Variants in SLC25A21 observed in about 807,000 individuals in gnomAD.
SLC25A21 encodes mitochondrial 2-oxodicarboxylate carrier.
A neutral mutation model predicts 43.8 loss-of-function variants in SLC25A21; 47 were observed. The ratio of observed to expected loss-of-function variants is 1.07; its 90% CI spans 0.85 to 1.37. The LOEUF is 1.37. Among genes scored for constraint, SLC25A21 ranks in the 40% most tolerant of loss-of-function variants. The pLI is 0.00. For synonymous variants in SLC25A21, 131 were observed against 121.3 expected (o/e 1.08, Z -0.52); for missense variants, 352 against 350.2 (o/e 1.00, Z -0.04).
At chr14:36,994,330 GA>G (rs1960326766) in intron 1 of SLC25A21, among the ~76,000 whole-genome samples, 1 of 152,128 alleles carries the variant, frequency 6.6e-6, no homozygotes, top group African/African-American at 2.4e-5. Flanking sequence ...AAAAGGTATA[GA>G]AAAAGGGAGG....
intron 1 of SLC25A21, among the ~76,000 whole-genome samples, chr14:37,098,766 C>T (rs61989530): frequency 0.015 from 1,571 of 102,418 alleles, 22 homozygotes; most frequent in East Asian, 0.034. Flanking sequence ...GACAGACAGA[C>T]AGACAGACAG....
rs74044960 is a variant in SLC25A21 at position 36,740,939 on chromosome 14, G to A, written c.204-6366C>T. 3.7e-3 allele frequency among the ~76,000 whole-genome samples: 558 copies of A among 152,266 alleles called. 3 individuals carry two copies. The highest frequency in any genetic ancestry group is 0.013 in the African/African-American group (527 of 41,534). Reference sequence around the variant, plus strand: ...ATTGTGTACCTGATATCTTTAGTCAGTTTGAACGACTAAAAAAAGTTCCTT... The same window carrying A: ...ATTGTGTACCTGATATCTTTAGTCAATTTGAACGACTAAAAAAAGTTCCTT... On this transcript the variant is annotated intron_variant, in intron 3 of 9. Coordinates refer to ENST00000331299, the MANE Select transcript of SLC25A21 (RefSeq NM_030631.4).
At chr14:37,105,990 C>T (rs971842057) in intron 1 of SLC25A21, among the ~76,000 whole-genome samples, 11 of 152,170 alleles carry the variant, frequency 7.2e-5, no homozygotes, top group African/African-American at 2.7e-4. Flanking sequence ...GGACATTTAA[C>T]AGTTCCCAAA....
intron 3 of SLC25A21, among the ~76,000 whole-genome samples, chr14:36,752,001 G>A (rs1885727606): frequency 6.6e-6 from 1 of 152,072 alleles, no homozygotes; most frequent in Non-Finnish European, 1.5e-5. Flanking sequence ...TCTGATATGT[G>A]CCAGGCATGC....
intron 7 of SLC25A21, among the ~76,000 whole-genome samples, chr14:36,687,195 T>A (rs540264732): frequency 6.6e-6 from 1 of 152,294 alleles, no homozygotes; most frequent in Admixed American, 6.5e-5. Context: ...TCAGGTGATT[T>A]GCCTGCCTTG....
intron 2 of SLC25A21, among the ~76,000 whole-genome samples, chr14:36,852,690 T>C (rs2138517752): frequency 6.6e-6 from 1 of 152,266 alleles, no homozygotes; most frequent in South Asian, 2.1e-4. Flanking sequence ...TGAGCATGTG[T>C]TTAGAGCTTG....
At chr14:36,931,083 G>A (rs775048249) in intron 1 of SLC25A21, among the ~76,000 whole-genome samples, 1 of 152,074 alleles carries the variant, frequency 6.6e-6, no homozygotes, top group Non-Finnish European at 1.5e-5. Context: ...TGAGTTCAGT[G>A]CACTCAAGTT....
intron 3 of SLC25A21, among the ~76,000 whole-genome samples, chr14:36,737,618 T>A (rs1885098036): frequency 6.6e-6 from 1 of 152,178 alleles, no homozygotes; most frequent in East Asian, 1.9e-4. Flanking sequence ...TGTGGAACAC[T>A]CAGGTCAGCA....
chr14:36,939,357 T>C (rs1892501487), intron 1 of SLC25A21, among the ~76,000 whole-genome samples: 2 of 152,070 alleles, frequency 1.3e-5, no homozygotes, highest in South Asian at 2.1e-4. Context: ...TTTTCTTTTG[T>C]GAGGGGTTTG....
chr14:36,874,098 C>G (rs560750917), intron 2 of SLC25A21, among the ~76,000 whole-genome samples: 2 of 152,336 alleles, frequency 1.3e-5, no homozygotes, highest in East Asian at 3.9e-4. Flanking sequence ...AGCAACCAGC[C>G]TAAGATTCTG....
intron 7 of SLC25A21, among the ~76,000 whole-genome samples, chr14:36,692,953 C>T (rs549076891): frequency 1.3e-5 from 2 of 152,266 alleles, no homozygotes; most frequent in Admixed American, 6.5e-5. Flanking sequence ...TTGGGGGTAT[C>T]ACAAAAGTAT....
chr14:37,027,772 T>C (rs1961124764), intron 1 of SLC25A21, among the ~76,000 whole-genome samples: 1 of 152,220 alleles, frequency 6.6e-6, no homozygotes, highest in Non-Finnish European at 1.5e-5. Context: ...GTCTCTGATT[T>C]AGGTTAAGTA....
chr14:37,029,630 C>T (rs1961165608), intron 1 of SLC25A21, among the ~76,000 whole-genome samples: 1 of 152,040 alleles, frequency 6.6e-6, no homozygotes, highest in Non-Finnish European at 1.5e-5. Context: ...CCCTGGAAGT[C>T]ACTTGTCTTA....
At chr14:37,135,877 GT>G (rs1286100354) in intron 1 of SLC25A21, among the ~76,000 whole-genome samples, 1 of 152,124 alleles carries the variant, frequency 6.6e-6, no homozygotes, top group Admixed American at 6.5e-5. Flanking sequence ...ATAAAACCTG[GT>G]TCTGCTCTTA....
Position 37,081,919 on chromosome 14 carries a change from A to G in SLC25A21, c.70+90362T>C, listed in dbSNP as rs10132291. Among the ~76,000 whole-genome samples the G allele has an allele frequency of 8.9e-3, 1,349 of 152,320 alleles. 16 individuals are homozygous for G. Among genetic ancestry groups the G allele is most frequent in the African/African-American group, 0.031 (1,287 of 41,558 alleles). On this transcript the variant is annotated intron_variant, in intron 1 of 9. Transcript: ENST00000331299. ...CAAGCTAGGAAACTATAATAAATGT[A>G]GCAAATCTTCCACATTGATAGAAAA...
intron 1 of SLC25A21, among the ~76,000 whole-genome samples, chr14:36,986,581 C>A: frequency 6.6e-6 from 1 of 152,130 alleles, no homozygotes; most frequent in East Asian, 1.9e-4. Context: ...CATGTTAGCT[C>A]CTCCTACAGA....
chr14:36,749,192 A>T (rs1885611429), intron 3 of SLC25A21, among the ~76,000 whole-genome samples: 3 of 152,140 alleles, frequency 2.0e-5, no homozygotes, highest in Admixed American at 2.0e-4. Context: ...GCTGTGCTGG[A>T]GTCTCTGAGC....
At chr14:36,841,736 A>G (rs1889390921) in intron 2 of SLC25A21, among the ~76,000 whole-genome samples, 1 of 152,122 alleles carries the variant, frequency 6.6e-6, no homozygotes, top group African/African-American at 2.4e-5. Context: ...TAGCCCATCA[A>G]GGCCAAACAC....
intron 1 of SLC25A21, among the ~76,000 whole-genome samples, chr14:37,161,962 C>CA (rs36029964): frequency 0.49 from 41,678 of 85,852 alleles, 11,233 homozygotes; most frequent in East Asian, 0.65. Context: ...GACTCCGTCT[C>CA]AAAAAAAAAA....
Sources: gnomAD v4.1 joint callset for allele counts (sites outside exome capture counted in the v4.1 genomes callset) on GRCh38, gnomAD v4.1.1 for gene constraint, MANE v1.5 for transcripts, NCBI Gene and HGNC (gene_info 2026-07-23, HGNC 2026-07-21) for gene names.